The following SCN11A variants were observed in gnomAD, a reference collection of about 807,000 sequenced individuals.
The protein encoded by SCN11A is sodium voltage-gated channel alpha subunit 11, also known as sodium channel protein type 11 subunit alpha.
A neutral mutation model predicts 162.2 loss-of-function variants in SCN11A; 122 were observed. The ratio of observed to expected loss-of-function variants is 0.75; its 90% CI spans 0.65 to 0.87. The LOEUF (loss-of-function observed/expected upper bound fraction) is 0.87. Among genes scored for constraint, SCN11A ranks in the 40% least tolerant of loss-of-function variants. The pLI, the probability that SCN11A is intolerant of heterozygous loss-of-function variation, is 0.00. For missense variants in SCN11A, 2,015 were observed against 2,181.6 expected (o/e 0.92, Z 1.52); for synonymous variants, 758 against 751.5 (o/e 1.01, Z -0.14).
In SCN11A at chr3:38,938,792, G is replaced by A. The variant is rs571260608; in HGVS notation, c.488+6619C>T. Among the ~76,000 whole-genome samples, 576 of 151,200 alleles carry A rather than the reference G, an allele frequency of 3.8e-3. 3 individuals carry two copies. Among genetic ancestry groups the A allele is most frequent in the African/African-American group, 0.012 (478 of 41,360 alleles). On this transcript the variant is annotated intron_variant, in intron 7 of 29. Transcript: ENST00000302328. Reference sequence around the variant, plus strand: ...TTGGTCAGGCTGGTCTTGAACTCCCGACCTCAGGTTATCTGCCCGCCTCGG... The same window carrying A: ...TTGGTCAGGCTGGTCTTGAACTCCCAACCTCAGGTTATCTGCCCGCCTCGG...
chr3:38,901,628 A>G (rs1397194305), intron 16 of SCN11A, among the ~76,000 whole-genome samples: 1 of 152,184 alleles, frequency 6.6e-6, no homozygotes, highest in Non-Finnish European at 1.5e-5. Flanking sequence ...AACTCTACAG[A>G]GTGGCTTAAT....
At chr3:38,920,085 A>C in intron 10 of SCN11A, 84 bp from the exon 11 acceptor site, 1 of 1,048,950 alleles carries the variant, frequency 9.5e-7, no homozygotes, top group Non-Finnish European at 1.5e-6. Context: ...ATTATGCTTG[A>C]AAATGGATGT....
intron 6 of SCN11A, among the ~76,000 whole-genome samples, chr3:38,946,476 C>T (rs1393369481): frequency 6.6e-6 from 1 of 152,196 alleles, no homozygotes; most frequent in Non-Finnish European, 1.5e-5. Flanking sequence ...CTTAGATGCA[C>T]CTTCCTCTAA....
At chr3:38,999,901 G>T (rs2030756117) in intron 2 of SCN11A, among the ~76,000 whole-genome samples, 1 of 152,128 alleles carries the variant, frequency 6.6e-6, no homozygotes. Context: ...AGCATTGCAG[G>T]TTCTTGGTGA....
chr3:38,864,147 A>T (rs986633931), intron 27 of SCN11A, among the ~76,000 whole-genome samples: 40 of 152,128 alleles, frequency 2.6e-4, no homozygotes, highest in African/African-American at 9.2e-4. Flanking sequence ...AAAGAAAAAA[A>T]CCCGAATCTG....
intron 14 of SCN11A, among the ~76,000 whole-genome samples, chr3:38,905,705 T>G (rs2065782223): frequency 6.6e-6 from 1 of 152,012 alleles, no homozygotes; most frequent in African/African-American, 2.4e-5. Flanking sequence ...AGAAGTGGAG[T>G]ATAAATTTAG....
Position 38,847,213 on chromosome 3 carries a change from AC to A in SCN11A, c.4856del (p.Gly1619ValfsTer50). 1 of 1,613,976 alleles carries A rather than the reference AC, an allele frequency of 6.2e-7. No homozygotes were observed. The highest frequency in any genetic ancestry group is 8.5e-7 in the Non-Finnish European group (1 of 1,179,882). ...TATEESEDPL[G>X]EDDFDIFYEV... The stretch of plus-strand genomic sequence containing the variant: ...CATAAAATATGTCAAAGTCATCTTC[AC>A]CCAAAGGGTCCTCACTTTCTTCAGT... On this transcript the variant is annotated frameshift_variant, in exon 30 of 30. Transcript: ENST00000302328. LOFTEE classifies it low-confidence loss of function (END_TRUNC).
intron 9 of SCN11A, among the ~76,000 whole-genome samples, chr3:38,923,511 T>C (rs774464742): frequency 1.6e-4 from 25 of 152,324 alleles, no homozygotes; most frequent in Non-Finnish European, 3.2e-4. Context: ...GCCTTCTCTG[T>C]CTCAATCAGT....
intron 27 of SCN11A, among the ~76,000 whole-genome samples, chr3:38,864,863 C>A (rs1011821681): frequency 6.6e-6 from 1 of 152,040 alleles, no homozygotes; most frequent in African/African-American, 2.4e-5. Context: ...AAACAAAAAG[C>A]TTCAACAGAA....
intron 28 of SCN11A, among the ~76,000 whole-genome samples, chr3:38,853,254 T>C (rs2064811954): frequency 1.3e-5 from 2 of 152,222 alleles, no homozygotes; most frequent in South Asian, 2.1e-4. Flanking sequence ...CAAGACCAAC[T>C]GATAATGAGT....
intron 7 of SCN11A, among the ~76,000 whole-genome samples, chr3:38,931,231 C>T (rs999086777): frequency 1.3e-5 from 2 of 152,246 alleles, no homozygotes; most frequent in Non-Finnish European, 2.9e-5. Context: ...CCTCAAGGCA[C>T]AGCCCCTCCA....
intron 19 of SCN11A, among the ~76,000 whole-genome samples, chr3:38,892,234 C>T (rs2065512425): frequency 6.6e-6 from 1 of 152,092 alleles, no homozygotes; most frequent in African/African-American, 2.4e-5. Context: ...CAGAAAAACA[C>T]AGAGAATTCT....
chr3:38,939,490 G>T (rs2066407385), intron 7 of SCN11A, among the ~76,000 whole-genome samples: 1 of 152,128 alleles, frequency 6.6e-6, no homozygotes, highest in East Asian at 1.9e-4. Flanking sequence ...ATTAATAAAT[G>T]AATTCCTTCC....
intron 2 of SCN11A, among the ~76,000 whole-genome samples, chr3:39,013,922 T>C (rs1444758953): frequency 3.3e-5 from 5 of 152,216 alleles, no homozygotes; most frequent in African/African-American, 1.2e-4. Context: ...GGCAGAGGCT[T>C]GGAATTATTG....
intron 13 of SCN11A, 91 bp from the exon 14 acceptor site, chr3:38,908,213 T>C: frequency 8.9e-7 from 1 of 1,117,562 alleles, no homozygotes; most frequent in Non-Finnish European, 1.3e-6. Context: ...TGAAAATCTC[T>C]CTTCTGGTAG....
intron 12 of SCN11A, among the ~76,000 whole-genome samples, chr3:38,909,431 A>C (rs1181684620): frequency 1.3e-5 from 2 of 152,140 alleles, no homozygotes; most frequent in Admixed American, 6.6e-5. Context: ...TTTACTATCT[A>C]TAACTCTCTC....
intron 2 of SCN11A, among the ~76,000 whole-genome samples, chr3:39,001,683 T>A (rs944003062): frequency 2.0e-5 from 3 of 152,034 alleles, no homozygotes; most frequent in African/African-American, 7.3e-5. Flanking sequence ...TATGTAGCTA[T>A]CTAGTTGTTA....
Position 38,945,472 on chromosome 3 carries a change from A to G in SCN11A, c.427T>C (p.Cys143Arg). The change falls in exon 7 of 30, where the codon TGC becomes CGC. Residue 143 changes from cysteine (C) to arginine (R), a missense_variant. Transcript: ENST00000302328. ...MFIIGTVIINCVFMATGPAKN... is the reference protein window; with the variant it reads ...MFIIGTVIINRVFMATGPAKN... The stretch of plus-strand genomic sequence containing the variant: ...GCAGGCCCTGTAGCCATGAACACGC[A>G]GTTGATGATAACGGTGCCGATAATG... 6.3e-7 allele frequency: 1 copy of G among 1,595,620 alleles called. No homozygotes were observed. The highest frequency in any genetic ancestry group is 8.6e-7 in the Non-Finnish European group (1 of 1,167,008).
In SCN11A at chr3:38,987,301, T is replaced by TCA. The variant is rs1371784796; in HGVS notation, c.-279-26879_-279-26878insTG. Among the ~76,000 whole-genome samples, 307 of 113,558 alleles carry TCA rather than the reference T, an allele frequency of 2.7e-3. 1 individual carries two copies. The highest frequency in any genetic ancestry group is 3.8e-3 in the Non-Finnish European group (212 of 56,414). 74.5% of individuals were successfully genotyped at this position (113,558 alleles called of 152,430 possible). On this transcript the variant is annotated intron_variant, in intron 2 of 29. Coordinates refer to ENST00000302328, the MANE Select transcript of SCN11A (RefSeq NM_001349253.2). Reference sequence around the variant, plus strand: ...CTTTCTCTCTCTCTCTCTCTCTCTCTCTCACACACACACACACACACACAC... The same window carrying TCA: ...CTTTCTCTCTCTCTCTCTCTCTCTCTCACTCACACACACACACACACACACAC...
Sources: gnomAD v4.1 joint callset for allele counts (sites outside exome capture counted in the v4.1 genomes callset) on GRCh38, gnomAD v4.1.1 for gene constraint, MANE v1.5 for transcripts, NCBI Gene and HGNC (gene_info 2026-07-23, HGNC 2026-07-21) for gene names.